The following WBP1L variants were observed in gnomAD, a reference collection of about 807,000 sequenced individuals.
The protein encoded by WBP1L is WW domain binding protein 1-like.
Under a neutral mutation model 33.7 loss-of-function variants are expected in WBP1L, and 17 were observed. The observed-to-expected ratio is 0.50, with a 90% CI of 0.34 to 0.76. The LOEUF (loss-of-function observed/expected upper bound fraction) is 0.76, where lower values mean the gene tolerates loss of function less well. WBP1L is among the 30% of genes least tolerant of loss of function. The pLI is 0.01. For synonymous variants in WBP1L, 173 were observed against 190.8 expected, an observed-to-expected ratio of 0.91 and a Z score of 0.77; for missense variants, 389 against 469.4, an observed-to-expected ratio of 0.83 and a Z score of 1.58.
chr10:102,771,285 A>ATACCT (rs1843183053), intron 1 of WBP1L, among the ~76,000 whole-genome samples: 1 of 152,208 alleles, frequency 6.6e-6, no homozygotes, highest in Admixed American at 6.5e-5. Flanking sequence ...GGTACGGCAC[A>ATACCT]GTGGTTCGTG....
intron 1 of WBP1L, chr10:102,776,554 TC>T (rs1843266815): frequency 8.7e-7 from 1 of 1,152,538 alleles, no homozygotes. Flanking sequence ...CACAGAACTT[TC>T]CAGTCTCCCT....
chr10:102,745,282 T>C (rs1842852614), intron 1 of WBP1L, among the ~76,000 whole-genome samples: 1 of 152,194 alleles, frequency 6.6e-6, no homozygotes. Context: ...TATCCTCTAT[T>C]TTAAAATACT....
chr10:102,781,609 T>G (rs1314618428), intron 1 of WBP1L, among the ~76,000 whole-genome samples: 1 of 152,124 alleles, frequency 6.6e-6, no homozygotes, highest in Non-Finnish European at 1.5e-5. Context: ...GACTACCAGT[T>G]GCTGTTACCC....
chr10:102,788,237 TCCTG>T (rs915655120), intron 1 of WBP1L, among the ~76,000 whole-genome samples: 1 of 150,170 alleles, frequency 6.7e-6, no homozygotes, highest in African/African-American at 2.4e-5. Flanking sequence ...CATGCCATTC[TCCTG>T]CCTCAGCCTC....
Position 102,813,313 on chromosome 10 carries a change from C to T in WBP1L, c.1074C>T (p.Ser358=). 1 of 1,609,002 alleles carries T rather than the reference C, an allele frequency of 6.2e-7. No individual in the cohort carries two copies. The highest frequency in any genetic ancestry group is 8.5e-7 in the Non-Finnish European group (1 of 1,177,182). ...INEQDSPNSQ[S]SSSPS is the part of the protein sequence containing the mutation. Reference sequence around the variant, plus strand: ...AGCAGGACTCTCCCAACTCCCAGAGCAGCAGCTCCCCCAGCTAGAGCAGGT... The same window carrying T: ...AGCAGGACTCTCCCAACTCCCAGAGTAGCAGCTCCCCCAGCTAGAGCAGGT... The change falls in exon 4 of 4, where the codon AGC becomes AGT. Residue 358 remains serine (S), a synonymous_variant. Coordinates refer to ENST00000448841, the MANE Select transcript of WBP1L (RefSeq NM_001083913.2).
At chr10:102,805,931 T>C (rs1020896865) in intron 2 of WBP1L, among the ~76,000 whole-genome samples, 4 of 151,502 alleles carry the variant, frequency 2.6e-5, no homozygotes, top group Non-Finnish European at 5.9e-5. Context: ...CCTGGCACGG[T>C]GGCTCACACC....
Position 102,790,149 on chromosome 10 carries a change from A to G in WBP1L, c.91-7844A>G, listed in dbSNP as rs530778692. ...AGCTTCTTTCTCATTTTTCATTTCC[A>G]TGTTTTCTCTTGTAGAAGCACTTTG... On this transcript the variant is annotated intron_variant, in intron 1 of 3. Coordinates refer to ENST00000448841, the MANE Select transcript of WBP1L (RefSeq NM_001083913.2). Among the ~76,000 whole-genome samples the G allele has an allele frequency of 6.0e-5, 9 of 150,994 alleles. No homozygotes were observed. The South Asian group carries it at 1.5e-3, about 25-fold the overall frequency.
chr10:102,793,985 G>A (rs1843537963), intron 1 of WBP1L, among the ~76,000 whole-genome samples: 1 of 152,044 alleles, frequency 6.6e-6, no homozygotes. Context: ...TGTCCAGGCT[G>A]GTCTCAAACT....
At chr10:102,756,017 G>C (rs1192673759) in intron 1 of WBP1L, among the ~76,000 whole-genome samples, 2 of 151,942 alleles carry the variant, frequency 1.3e-5, no homozygotes, top group Non-Finnish European at 2.9e-5. Flanking sequence ...GCTCAGGCTA[G>C]AGTGCAGTGG....
At chr10:102,747,611 C>T (rs1194946597) in intron 1 of WBP1L, among the ~76,000 whole-genome samples, 1 of 152,084 alleles carries the variant, frequency 6.6e-6, no homozygotes, top group Non-Finnish European at 1.5e-5. Context: ...ACTGCAGCCT[C>T]GACCTCCCAG....
At chr10:102,761,777 G>C (rs1186737533) in intron 1 of WBP1L, among the ~76,000 whole-genome samples, 2 of 151,974 alleles carry the variant, frequency 1.3e-5, no homozygotes, top group Admixed American at 6.6e-5. Context: ...TCGAACTCCA[G>C]ATTTCAGGTG....
At chr10:102,792,122 G>T (rs1305951122) in intron 1 of WBP1L, among the ~76,000 whole-genome samples, 4 of 152,162 alleles carry the variant, frequency 2.6e-5, no homozygotes, top group African/African-American at 7.2e-5. Context: ...TTTCCAGTTT[G>T]GTGTTGGTCT....
At chr10:102,803,394 T>C (rs1488707242) in intron 2 of WBP1L, among the ~76,000 whole-genome samples, 1 of 152,212 alleles carries the variant, frequency 6.6e-6, no homozygotes, top group East Asian at 1.9e-4. Context: ...GTTTGTAGTG[T>C]AGTCATGGGG....
At chr10:102,782,486 A>G (rs1392917124) in intron 1 of WBP1L, among the ~76,000 whole-genome samples, 1 of 151,930 alleles carries the variant, frequency 6.6e-6, no homozygotes, top group Non-Finnish European at 1.5e-5. Flanking sequence ...TATTTAAAAA[A>G]ATGCTTTGAA....
chr10:102,779,283 A>C (rs1377068501), intron 1 of WBP1L, among the ~76,000 whole-genome samples: 2 of 150,892 alleles, frequency 1.3e-5, no homozygotes, highest in African/African-American at 2.4e-5. Context: ...GGGCGACAAG[A>C]GCGAGACTCC....
intron 1 of WBP1L, among the ~76,000 whole-genome samples, chr10:102,761,562 G>A (rs4919673): frequency 0.72 from 109,503 of 151,352 alleles, 39,783 homozygotes; most frequent in East Asian, 0.9. Context: ...GTTCAAGTGA[G>A]TCTCCTGCCT....
chr10:102,797,421 C>A (rs569674814), intron 1 of WBP1L, among the ~76,000 whole-genome samples: 1 of 152,306 alleles, frequency 6.6e-6, no homozygotes, highest in South Asian at 2.1e-4. Context: ...CCTGTCCTGT[C>A]TGAGGAAAAC....
chr10:102,789,430 G>A (rs1469272245), intron 1 of WBP1L, among the ~76,000 whole-genome samples: 1 of 152,082 alleles, frequency 6.6e-6, no homozygotes, highest in African/African-American at 2.4e-5. Context: ...TTTTTGCGTG[G>A]ATTTGATATT....
At chr10:102,790,656 G>A (rs1000733153) in intron 1 of WBP1L, among the ~76,000 whole-genome samples, 4 of 151,832 alleles carry the variant, frequency 2.6e-5, no homozygotes, top group Non-Finnish European at 4.4e-5. Context: ...GATTACAGGC[G>A]CCCGCCACCA....
Sources: gnomAD v4.1 joint callset for allele counts (sites outside exome capture counted in the v4.1 genomes callset) on GRCh38, gnomAD v4.1.1 for gene constraint, MANE v1.5 for transcripts, NCBI Gene and HGNC (gene_info 2026-07-23, HGNC 2026-07-21) for gene names.